The following RFTN1 variants were observed in gnomAD, a reference collection of about 807,000 sequenced individuals.
RFTN1 encodes the protein raftlin, lipid raft linker 1.
In RFTN1, 26 loss-of-function variants were observed where a neutral mutation model predicts 46.5. The observed-to-expected ratio is 0.56, with a 90% CI of 0.41 to 0.78. The LOEUF is 0.78. Among genes scored for constraint, RFTN1 ranks in the 30% least tolerant of loss-of-function variants. The pLI is 0.00. For synonymous variants in RFTN1, 261 were observed against 284.2 expected, an observed-to-expected ratio of 0.92 and a Z score of 0.82; for missense variants, 693 against 718.7, an observed-to-expected ratio of 0.96 and a Z score of 0.41.
rs2076695491 is a variant in RFTN1 at position 16,500,628 on chromosome 3, TG to T, written c.-8-6752del. Among the ~76,000 whole-genome samples, 1 of 152,228 alleles carries T rather than the reference TG, an allele frequency of 6.6e-6. No homozygotes were observed. Among genetic ancestry groups the T allele is most frequent in the South Asian group, 2.1e-4 (1 of 4,826 alleles). On this transcript the variant is annotated intron_variant, in intron 1 of 9. Transcript: ENST00000334133. This position sits in a 1 kb window ranked among gnomAD's most constrained non-coding sequence, Gnocchi z 5.9. ...AAGATGACAGACATTGCAAATGATC[TG>T]GAAACAAAGATCCCTTGAATGGTGA... is the stretch of plus-strand genomic sequence containing the variant.
rs1351417560 is a variant in RFTN1 at position 16,421,958 on chromosome 3, A to G, written c.332+11893T>C. Among the ~76,000 whole-genome samples, 2 of 152,112 alleles carry G rather than the reference A, an allele frequency of 1.3e-5. No homozygotes were observed. Among genetic ancestry groups the G allele is most frequent in the Non-Finnish European group, 2.9e-5 (2 of 68,012 alleles). Reference sequence around the variant, plus strand: ...CCATACAGCACATGTGACCTCTGACATACACACCAAGCCAGGACACCACCT... The same window carrying G: ...CCATACAGCACATGTGACCTCTGACGTACACACCAAGCCAGGACACCACCT... On this transcript the variant is annotated intron_variant, in intron 3 of 9. Coordinates refer to ENST00000334133, the MANE Select transcript of RFTN1 (RefSeq NM_015150.2). This position sits in a 1 kb window ranked among gnomAD's most constrained non-coding sequence, Gnocchi z 4.6.
rs2069101476 is a variant in RFTN1, at chr3:16,321,895, C to T, written c.1332+1481G>A. ...ACTCAAGTTTCCACTGACTTGTCCCCCTGCATGCGATGCCATGACCTTCAC... is the reference window on the plus strand; with the variant it reads ...ACTCAAGTTTCCACTGACTTGTCCCTCTGCATGCGATGCCATGACCTTCAC... On this transcript the variant is annotated intron_variant, in intron 9 of 9. Transcript: ENST00000334133. The surrounding 1 kb of genome is among the most constrained non-coding windows in gnomAD (Gnocchi z 4.8). 6.6e-6 allele frequency among the ~76,000 whole-genome samples: 1 copy of T among 152,214 alleles called. No individual in the cohort carries two copies.
In RFTN1 at chr3:16,448,386, T is replaced by C. The variant is rs2075770647; in HGVS notation, c.146-14349A>G. Among the ~76,000 whole-genome samples the C allele has an allele frequency of 1.3e-5, 2 of 152,214 alleles. No homozygotes were observed. Among genetic ancestry groups the C allele is most frequent in the African/African-American group, 4.8e-5 (2 of 41,460 alleles). The stretch of plus-strand genomic sequence containing the variant: ...AAAAAACATGATCCCTTGTTGACTT[T>C]TATGGAGGTGCCAATTTAATTCCTT... On this transcript the variant is annotated intron_variant, in intron 2 of 9. Transcript: ENST00000334133. The surrounding 1 kb of genome is among the most constrained non-coding windows in gnomAD (Gnocchi z 4.1).
chr3:16,430,908 T>C (rs1254065324), intron 3 of RFTN1, among the ~76,000 whole-genome samples: 1 of 152,250 alleles, frequency 6.6e-6, no homozygotes, highest in Non-Finnish European at 1.5e-5. Flanking sequence ...CATTTGTTCA[T>C]GCTACGTTAG....
At chr3:16,358,384 AG>A (rs1259916187) in intron 6 of RFTN1, among the ~76,000 whole-genome samples, 7 of 152,050 alleles carry the variant, frequency 4.6e-5, no homozygotes, top group Non-Finnish European at 1.0e-4. Flanking sequence ...GGTAAAACAC[AG>A]TCATTTAGAG....
chr3:16,394,835 C>CT (rs2074431650), intron 4 of RFTN1, among the ~76,000 whole-genome samples: 1 of 151,986 alleles, frequency 6.6e-6, no homozygotes, highest in South Asian at 2.1e-4. Context: ...TGTTATGTGA[C>CT]TGAGCACTTA....
At chr3:16,430,845 A>C (rs2075370839) in intron 3 of RFTN1, among the ~76,000 whole-genome samples, 1 of 152,168 alleles carries the variant, frequency 6.6e-6, no homozygotes, top group Non-Finnish European at 1.5e-5. Context: ...CCTGCATACA[A>C]AGTCTCATTC....
chr3:16,477,886 T>C (rs1457355109), intron 2 of RFTN1, among the ~76,000 whole-genome samples: 1 of 152,230 alleles, frequency 6.6e-6, no homozygotes, highest in Non-Finnish European at 1.5e-5. Flanking sequence ...AACATATAAT[T>C]TAATCTGAGA....
Position 16,409,559 on chromosome 3 carries a change from C to A in RFTN1, c.333-76G>T, listed in dbSNP as rs558095362. 378 of 1,059,454 alleles carry A rather than the reference C, an allele frequency of 3.6e-4. No homozygotes were observed. In the African/African-American group the frequency reaches 5.3e-3, roughly 15 times the overall value. The allele number at this position is 1,059,454 out of a possible 1,614,324, so 65.6% of individuals were successfully genotyped here. ...TTGGAGACAGTCTCACTCTTGTCAC[C>A]CAGGCTGGAGTGCAATGACGCGATC... On this transcript the variant is annotated intron_variant, in intron 3 of 9. Coordinates refer to ENST00000334133, the MANE Select transcript of RFTN1 (RefSeq NM_015150.2).
Position 16,384,798 on chromosome 3 carries a change from A to T in RFTN1, c.442-6696T>A, listed in dbSNP as rs766660279. Reference sequence around the variant, plus strand: ...AATTTAAATATTCCTCTCCTTAGTCACATGAGTCACATTTCAAGCACCCAC... The same window carrying T: ...AATTTAAATATTCCTCTCCTTAGTCTCATGAGTCACATTTCAAGCACCCAC... On this transcript the variant is annotated intron_variant, in intron 4 of 9. Transcript: ENST00000334133. The surrounding 1 kb of genome is among the most constrained non-coding windows in gnomAD (Gnocchi z 4.7). Among the ~76,000 whole-genome samples, 40 of 152,196 alleles carry T rather than the reference A, an allele frequency of 2.6e-4. No individual in the cohort carries two copies. Among genetic ancestry groups the T allele is most frequent in the Non-Finnish European group, 4.4e-4 (30 of 68,036 alleles).
At position 16,320,079 on chromosome 3, in the gene RFTN1, T is replaced by G. The variant is rs2068873472; in HGVS notation, c.1333-2847A>C. ...AAAAGAAAAAAAGAAATCCTTCACT[T>G]TACAGCAGTGTGTGTCCAGAGTTCC... On this transcript the variant is annotated intron_variant, in intron 9 of 9. Transcript: ENST00000334133. This position sits in a 1 kb window ranked among gnomAD's most constrained non-coding sequence, Gnocchi z 4.5. Among the ~76,000 whole-genome samples, 1 of 152,216 alleles carries G rather than the reference T, an allele frequency of 6.6e-6. No homozygotes were observed. The highest frequency in any genetic ancestry group is 1.5e-5 in the Non-Finnish European group (1 of 68,034).
intron 2 of RFTN1, among the ~76,000 whole-genome samples, chr3:16,436,440 T>G (rs2075518051): frequency 6.6e-6 from 1 of 151,894 alleles, no homozygotes; most frequent in South Asian, 2.1e-4. Context: ...CACTGCAAAC[T>G]CTACCTCCTG....
At chr3:16,318,757 A>C (rs1385066596) in intron 9 of RFTN1, among the ~76,000 whole-genome samples, 1 of 152,154 alleles carries the variant, frequency 6.6e-6, no homozygotes, top group Non-Finnish European at 1.5e-5. Context: ...AAAAAACCCA[A>C]ATGAGTTCAC....
At chr3:16,492,885 A>G in intron 2 of RFTN1, among the ~76,000 whole-genome samples, 1 of 152,184 alleles carries the variant, frequency 6.6e-6, no homozygotes, top group East Asian at 1.9e-4. Flanking sequence ...GCAGGTGCTC[A>G]GCAAATGCTC....
intron 1 of RFTN1, among the ~76,000 whole-genome samples, chr3:16,496,280 T>C (rs946908711): frequency 1.2e-4 from 18 of 152,210 alleles, no homozygotes; most frequent in African/African-American, 3.9e-4. Flanking sequence ...GAAGAGATGC[T>C]AAAATCAGCT....
rs559990408 is a variant in RFTN1, at chr3:16,488,350, C to T, written c.145+5375G>A. ...CTGACCTCAGGTGATCCCCCTGCCT[C>T]GGCCTTCCAAAGTGTTGGGATTACA... On this transcript the variant is annotated intron_variant, in intron 2 of 9. Transcript: ENST00000334133. Among the ~76,000 whole-genome samples, 19 of 152,264 alleles carry T rather than the reference C, an allele frequency of 1.2e-4. No homozygotes were observed. In the South Asian group the frequency reaches 2.3e-3, roughly 18 times the overall value.
Position 16,473,740 on chromosome 3 carries a change from T to G in RFTN1, c.145+19985A>C, listed in dbSNP as rs1454805928. 6.6e-6 allele frequency among the ~76,000 whole-genome samples: 1 copy of G among 152,100 alleles called. No individual in the cohort carries two copies. The highest frequency in any genetic ancestry group is 2.4e-5 in the African/African-American group (1 of 41,462). On this transcript the variant is annotated intron_variant, in intron 2 of 9. Coordinates refer to ENST00000334133, the MANE Select transcript of RFTN1 (RefSeq NM_015150.2). The surrounding 1 kb of genome is among the most constrained non-coding windows in gnomAD (Gnocchi z 5.3). Reference sequence around the variant, plus strand: ...GGTATTCTTGAAAGCATTCTATTAGTACAAGGCATTTTTACTTTCTTCCAC... The same window carrying G: ...GGTATTCTTGAAAGCATTCTATTAGGACAAGGCATTTTTACTTTCTTCCAC...
intron 4 of RFTN1, among the ~76,000 whole-genome samples, chr3:16,390,524 T>C (rs2074319507): frequency 1.3e-5 from 2 of 152,228 alleles, no homozygotes; most frequent in Admixed American, 6.5e-5. Flanking sequence ...TATTAATTGG[T>C]TTAGCAAACC....
chr3:16,340,612 T>TC (rs1404475496), intron 7 of RFTN1, among the ~76,000 whole-genome samples: 1 of 152,226 alleles, frequency 6.6e-6, no homozygotes, highest in African/African-American at 2.4e-5. Flanking sequence ...AAACAAAACA[T>TC]CCAACAAACA....
Sources: allele counts gnomAD v4.1 joint callset (sites outside exome capture counted in the v4.1 genomes callset), GRCh38; gene constraint gnomAD v4.1.1; non-coding constraint Gnocchi (gnomAD v3.1); transcripts MANE v1.5; gene names NCBI Gene and HGNC (gene_info 2026-07-23, HGNC 2026-07-21).